The following GRID2 variants were observed in gnomAD, a reference collection of about 807,000 sequenced individuals.
GRID2 encodes the protein glutamate receptor ionotropic, delta-2.
GRID2 carries 33 observed loss-of-function variants against 114.8 expected under a neutral mutation model. That is an observed-to-expected ratio of 0.29 (90% CI 0.22 to 0.38). The LOEUF (loss-of-function observed/expected upper bound fraction) is 0.38, where lower values mean the gene tolerates loss of function less well. Among genes scored for constraint, GRID2 ranks in the 10% least tolerant of loss-of-function variants. The probability of loss-of-function intolerance (pLI) is 1.00; values close to 1 mark genes in which losing one functional copy is unlikely to be tolerated. For missense variants in GRID2, 1,184 were observed against 1,257.7 expected (o/e 0.94, Z 0.89); for synonymous variants, 505 against 449.9 (o/e 1.12, Z -1.55).
At chr4:92,462,671 A>G (rs1340660155) in intron 1 of GRID2, among the ~76,000 whole-genome samples, 56 of 152,112 alleles carry the variant, frequency 3.7e-4, no homozygotes, top group Non-Finnish European at 5.9e-5. Flanking sequence ...ACACATTCCT[A>G]AAATAGTTTT....
At chr4:93,229,436 G>A (rs1421927581) in intron 7 of GRID2, among the ~76,000 whole-genome samples, 1 of 152,116 alleles carries the variant, frequency 6.6e-6, no homozygotes, top group Non-Finnish European at 1.5e-5. Flanking sequence ...TTTCCTACAG[G>A]TGTCAAATAA....
chr4:92,545,922 C>G (rs1010386499), intron 1 of GRID2, among the ~76,000 whole-genome samples: 19 of 152,104 alleles, frequency 1.2e-4, no homozygotes, highest in African/African-American at 4.6e-4. Flanking sequence ...TGGCACTGTT[C>G]CCAAATTTAT....
intron 2 of GRID2, among the ~76,000 whole-genome samples, chr4:92,930,578 A>ATTTT (rs35741890): frequency 6.7e-5 from 8 of 119,500 alleles, no homozygotes; most frequent in Non-Finnish European, 7.1e-5. Flanking sequence ...CACTTTCGGC[A>ATTTT]TTTTTTTTTT....
intron 4 of GRID2, among the ~76,000 whole-genome samples, chr4:93,185,587 C>G (rs1231972374): frequency 6.6e-6 from 1 of 151,986 alleles, no homozygotes; most frequent in Non-Finnish European, 1.5e-5. Context: ...CTTTATATAT[C>G]TCTTAAAAAA....
intron 2 of GRID2, among the ~76,000 whole-genome samples, chr4:92,719,780 C>T (rs1735726361): frequency 6.6e-6 from 1 of 152,062 alleles, no homozygotes; most frequent in Non-Finnish European, 1.5e-5. Context: ...ACATGTAATT[C>T]AAGAAGTGAA....
intron 2 of GRID2, among the ~76,000 whole-genome samples, chr4:92,898,035 TA>T (rs1225958813): frequency 2.0e-5 from 3 of 151,954 alleles, no homozygotes; most frequent in Admixed American, 1.3e-4. Flanking sequence ...AATTGTAAGT[TA>T]AAAAAAAGTT....
chr4:93,156,067 G>A (rs1295387443), intron 4 of GRID2, among the ~76,000 whole-genome samples: 2 of 151,498 alleles, frequency 1.3e-5, no homozygotes, highest in Non-Finnish European at 3.0e-5. Context: ...GCCGGTATCA[G>A]AATATCATAT....
intron 1 of GRID2, among the ~76,000 whole-genome samples, chr4:92,354,409 T>C (rs964434552): frequency 1.3e-5 from 2 of 151,992 alleles, no homozygotes; most frequent in Non-Finnish European, 2.9e-5. Flanking sequence ...CTCTGTAATT[T>C]TGCTGATATC....
At chr4:92,556,047 C>A (rs1726834967) in intron 1 of GRID2, among the ~76,000 whole-genome samples, 1 of 152,124 alleles carries the variant, frequency 6.6e-6, no homozygotes, top group African/African-American at 2.4e-5. Context: ...CAAATCTAAT[C>A]TGAGATGTAA....
At chr4:92,929,435 A>C (rs925626809) in intron 2 of GRID2, among the ~76,000 whole-genome samples, 1 of 151,354 alleles carries the variant, frequency 6.6e-6, no homozygotes, top group East Asian at 1.9e-4. Context: ...ACTTATAACA[A>C]GTGTAAGTAA....
At chr4:92,897,682 G>C (rs1215473360) in intron 2 of GRID2, among the ~76,000 whole-genome samples, 1 of 152,096 alleles carries the variant, frequency 6.6e-6, no homozygotes, top group African/African-American at 2.4e-5. Flanking sequence ...TAACTATATA[G>C]GAAATGTATT....
intron 1 of GRID2, among the ~76,000 whole-genome samples, chr4:92,539,889 C>A (rs1579544317): frequency 6.6e-6 from 1 of 152,132 alleles, no homozygotes; most frequent in South Asian, 2.1e-4. Flanking sequence ...TACCTGACTT[C>A]AAACTATACT....
chr4:93,026,558 A>G (rs1232949702), intron 2 of GRID2, among the ~76,000 whole-genome samples: 1 of 151,898 alleles, frequency 6.6e-6, no homozygotes, highest in Non-Finnish European at 1.5e-5. Flanking sequence ...CTCATCCATA[A>G]GTATTTTCAG....
At chr4:93,207,557 T>C (rs1742954889) in intron 5 of GRID2, 100 bp downstream of exon 5, 1 of 731,564 alleles carries the variant, frequency 1.4e-6, no homozygotes, top group East Asian at 2.6e-5. Flanking sequence ...GAAACAAAAC[T>C]TGAAGTAAAC....
chr4:92,398,225 T>G (rs1730602871), intron 1 of GRID2, among the ~76,000 whole-genome samples: 1 of 152,148 alleles, frequency 6.6e-6, no homozygotes, highest in Admixed American at 6.6e-5. Flanking sequence ...AAGATATACT[T>G]TAACAGGAAT....
At chr4:92,679,497 T>A (rs1733540459) in intron 2 of GRID2, among the ~76,000 whole-genome samples, 1 of 152,060 alleles carries the variant, frequency 6.6e-6, no homozygotes, top group African/African-American at 2.4e-5. Flanking sequence ...AGAAATCAGG[T>A]ACTAAAAATA....
Position 92,667,984 on chromosome 4 carries a change from A to T in GRID2, c.244+77698A>T, listed in dbSNP as rs561506334. On this transcript the variant is annotated intron_variant, in intron 2 of 15. Coordinates refer to ENST00000282020, the MANE Select transcript of GRID2 (RefSeq NM_001510.4). ...TCACCAGAAATTGAGAGCTTTCAGCATGTGGTACTACCGGTATCATCAAAC... is the reference window on the plus strand; with the variant it reads ...TCACCAGAAATTGAGAGCTTTCAGCTTGTGGTACTACCGGTATCATCAAAC... Among the ~76,000 whole-genome samples, 7 of 151,946 alleles carry T rather than the reference A, an allele frequency of 4.6e-5. No homozygotes were observed. In the East Asian group the frequency reaches 1.2e-3, roughly 25 times the overall value.
rs996837193 is a variant in GRID2, at chr4:93,103,361, G to A, written c.530-7387G>A. Among the ~76,000 whole-genome samples, 5 of 151,886 alleles carry A rather than the reference G, an allele frequency of 3.3e-5. No homozygotes were observed. In the East Asian group the frequency reaches 7.8e-4, roughly 24 times the overall value. ...AGTCTCCAATCTCTACCCCAGAGTC[G>A]GCTTCCTGGGAACCTAACCTTCTAC... On this transcript the variant is annotated intron_variant, in intron 3 of 15. Coordinates refer to ENST00000282020, the MANE Select transcript of GRID2 (RefSeq NM_001510.4).
In GRID2 at chr4:92,658,984, A is replaced by G. The variant is rs1339383014; in HGVS notation, c.244+68698A>G. On this transcript the variant is annotated intron_variant, in intron 2 of 15. Transcript: ENST00000282020. ...ACCAGAAAGGACTCTTTGACCAAAG[A>G]GAAAATTAAAGGAGTACTGTAGTGT... Among the ~76,000 whole-genome samples the G allele has an allele frequency of 3.4e-5, 5 of 148,374 alleles. 1 individual carries two copies. The highest frequency in any genetic ancestry group is 6.0e-5 in the Non-Finnish European group (4 of 66,708).
Sources: allele counts gnomAD v4.1 joint callset (sites outside exome capture counted in the v4.1 genomes callset), GRCh38; gene constraint gnomAD v4.1.1; transcripts MANE v1.5; gene names NCBI Gene and HGNC (gene_info 2026-07-23, HGNC 2026-07-21).